FARP1: variants seen among roughly 807,000 people sequenced by gnomAD.
FARP1 encodes FERM, ARHGEF and pleckstrin domain-containing protein 1.
Under a neutral mutation model 128.8 loss-of-function variants are expected in FARP1, and 52 were observed. The ratio of observed to expected loss-of-function variants is 0.40; its 90% CI spans 0.32 to 0.51. The LOEUF (loss-of-function observed/expected upper bound fraction) is 0.51, where lower values mean the gene tolerates loss of function less well. Ranked by LOEUF, FARP1 falls within the 20% of genes least tolerant of loss-of-function variation. FARP1 has a pLI of 0.45. For synonymous variants in FARP1, 580 were observed against 551.8 expected, an observed-to-expected ratio of 1.05 and a Z score of -0.72; for missense variants, 1,333 against 1,367.9, an observed-to-expected ratio of 0.97 and a Z score of 0.40.
intron 2 of FARP1, among the ~76,000 whole-genome samples, chr13:98,261,448 C>T (rs1417279965): frequency 6.6e-6 from 1 of 152,170 alleles, no homozygotes; most frequent in Non-Finnish European, 1.5e-5. Context: ...TCCCCTCCTC[C>T]CTTCGTTGAC....
intron 2 of FARP1, among the ~76,000 whole-genome samples, chr13:98,291,547 T>C (rs1885445510): frequency 6.6e-6 from 1 of 152,166 alleles, no homozygotes; most frequent in African/African-American, 2.4e-5. Flanking sequence ...AACTTGGTGG[T>C]TGGATTCCAA....
intron 11 of FARP1, among the ~76,000 whole-genome samples, chr13:98,392,792 C>G (rs1180957704): frequency 6.6e-6 from 1 of 151,224 alleles, no homozygotes; most frequent in African/African-American, 2.4e-5. Flanking sequence ...TTCTCATGCC[C>G]TGTCTCTATA....
intron 11 of FARP1, 47 bp downstream of exon 11, chr13:98,390,927 C>T (rs760714809): frequency 2.4e-5 from 30 of 1,263,470 alleles, no homozygotes; most frequent in Non-Finnish European, 3.2e-5. Context: ...GGCTCAGACT[C>T]GCCAGGTAAC....
intron 2 of FARP1, among the ~76,000 whole-genome samples, chr13:98,314,975 T>G: frequency 6.6e-6 from 1 of 152,140 alleles, no homozygotes; most frequent in East Asian, 1.9e-4. Flanking sequence ...ACCAGGACCC[T>G]GTGTGGGCGA....
intron 1 of FARP1, among the ~76,000 whole-genome samples, chr13:98,178,805 A>G (rs903240299): frequency 6.6e-5 from 10 of 152,232 alleles, no homozygotes; most frequent in Non-Finnish European, 1.3e-4. Flanking sequence ...TACAGTGTAA[A>G]GAACAATTCA....
intron 2 of FARP1, among the ~76,000 whole-genome samples, chr13:98,252,212 A>G (rs191432760): frequency 1.3e-5 from 2 of 152,362 alleles, no homozygotes; most frequent in East Asian, 3.9e-4. Flanking sequence ...GATTAGAGTT[A>G]TAATGACTTT....
chr13:98,297,712 A>G (rs1490394189), intron 2 of FARP1, among the ~76,000 whole-genome samples: 1 of 152,138 alleles, frequency 6.6e-6, no homozygotes, highest in Non-Finnish European at 1.5e-5. Flanking sequence ...GTAGATGTGT[A>G]TGTTTGGGGG....
rs188053767 is a variant in FARP1, at chr13:98,256,093, C to T, written c.171+42680C>T. 1.2e-4 allele frequency among the ~76,000 whole-genome samples: 18 copies of T among 152,144 alleles called. No individual in the cohort carries two copies. The East Asian group carries it at 2.9e-3, about 24-fold the overall frequency. ...CTTCTAGGAGGTGCTCTTACAGAGC[C>T]GGTAGAAATGAAATGCCCATCCAAA... On this transcript the variant is annotated intron_variant, in intron 2 of 26. Transcript: ENST00000319562.
chr13:98,300,430 C>G (rs945510923), intron 2 of FARP1, among the ~76,000 whole-genome samples: 1 of 152,220 alleles, frequency 6.6e-6, no homozygotes, highest in African/African-American at 2.4e-5. Context: ...TGGGCAGATG[C>G]TTTGGGAGCC....
intron 1 of FARP1, among the ~76,000 whole-genome samples, chr13:98,178,189 ATTTTTTTT>A (rs57310501): frequency 8.0e-5 from 9 of 112,990 alleles, no homozygotes; most frequent in Non-Finnish European, 1.5e-4. Context: ...ATCATTTTTA[ATTTTTTTT>A]TTTTTTTTTT....
intron 1 of FARP1, among the ~76,000 whole-genome samples, chr13:98,206,810 A>C (rs1880300036): frequency 6.6e-6 from 1 of 152,228 alleles, no homozygotes; most frequent in Non-Finnish European, 1.5e-5. Context: ...TAGTTTTGCA[A>C]GCAGCTTTTA....
intron 2 of FARP1, among the ~76,000 whole-genome samples, chr13:98,256,714 C>T (rs1883604598): frequency 6.6e-6 from 1 of 151,410 alleles, no homozygotes; most frequent in Admixed American, 6.6e-5. Flanking sequence ...CATATGCTAC[C>T]ATGCCTGGCT....
At chr13:98,376,956 A>G (rs772021861) in intron 5 of FARP1, among the ~76,000 whole-genome samples, 4 of 152,030 alleles carry the variant, frequency 2.6e-5, no homozygotes, top group African/African-American at 4.8e-5. Context: ...TGATTTGCAA[A>G]TGTATTTTTT....
chr13:98,172,857 C>T (rs1181817730), intron 1 of FARP1, among the ~76,000 whole-genome samples: 1 of 152,190 alleles, frequency 6.6e-6, no homozygotes, highest in Non-Finnish European at 1.5e-5. Context: ...TTACACGTTT[C>T]TGAAAGCTAG....
intron 2 of FARP1, among the ~76,000 whole-genome samples, chr13:98,243,436 C>T (rs1222982123): frequency 1.3e-5 from 2 of 151,986 alleles, no homozygotes; most frequent in Non-Finnish European, 1.5e-5. Flanking sequence ...TGGCTCACGC[C>T]TGTAATCCCA....
intron 2 of FARP1, among the ~76,000 whole-genome samples, chr13:98,275,013 T>G (rs1422830849): frequency 6.6e-6 from 1 of 152,230 alleles, no homozygotes; most frequent in African/African-American, 2.4e-5. Flanking sequence ...CATGCAATAC[T>G]GTATTCATCT....
At chr13:98,215,619 C>T (rs1021310975) in intron 2 of FARP1, among the ~76,000 whole-genome samples, 3 of 152,136 alleles carry the variant, frequency 2.0e-5, no homozygotes, top group Non-Finnish European at 2.9e-5. Flanking sequence ...ATGACATGCA[C>T]GTCCAACTGC....
In FARP1 at chr13:98,451,524, C is replaced by A. The variant is rs1470938989; in HGVS notation, c.*3207C>A. ...TCAATTTTAGAGCTTAAAAACCAGA[C>A]TGCACTAGCAAACCGACACAATAAC... On this transcript the variant is annotated 3_prime_UTR_variant, in exon 27 of 27. Transcript: ENST00000319562. 2.0e-5 allele frequency: 3 copies of A among 152,152 alleles called. No individual in the cohort carries two copies. Among genetic ancestry groups the A allele is most frequent in the Non-Finnish European group, 2.9e-5 (2 of 68,036 alleles). 9.4% of individuals were successfully genotyped at this position (152,152 alleles called of 1,614,324 possible).
At chr13:98,334,224 TA>T (rs1281645175) in intron 2 of FARP1, 1 of 152,214 alleles carries the variant, frequency 6.6e-6, no homozygotes, top group African/African-American at 2.4e-5. Flanking sequence ...GGTGTGCAGG[TA>T]TATCAATCCC....
Sources: gnomAD v4.1 joint callset for allele counts (sites outside exome capture counted in the v4.1 genomes callset) on GRCh38, gnomAD v4.1.1 for gene constraint, MANE v1.5 for transcripts, NCBI Gene and HGNC (gene_info 2026-07-23, HGNC 2026-07-21) for gene names.